The following PALM2AKAP2 variants were observed in gnomAD, a reference collection of about 807,000 sequenced individuals.
PALM2AKAP2 encodes PALM2 and AKAP2 fusion.
In PALM2AKAP2, 37 loss-of-function variants were observed where a neutral mutation model predicts 71.5. The observed-to-expected ratio is 0.52, with a 90% confidence interval of 0.40 to 0.68. The LOEUF is 0.68. Ranked by LOEUF, PALM2AKAP2 falls within the 30% of genes least tolerant of loss-of-function variation. The probability of loss-of-function intolerance (pLI) is 0.00; values close to 1 mark genes in which losing one functional copy is unlikely to be tolerated. For synonymous variants in PALM2AKAP2, 468 were observed against 478.8 expected (o/e 0.98, Z 0.29); for missense variants, 1,224 against 1,191.8 (o/e 1.03, Z -0.40).
At chr9:109,652,212 C>A (rs1827235436) in intron 1 of PALM2AKAP2, among the ~76,000 whole-genome samples, 1 of 152,090 alleles carries the variant, frequency 6.6e-6, no homozygotes, top group Admixed American at 6.5e-5. Flanking sequence ...GATATTTGTC[C>A]TCCCACCCAG....
At chr9:109,898,318 G>A (rs1199291028) in intron 3 of PALM2AKAP2, among the ~76,000 whole-genome samples, 2 of 152,182 alleles carry the variant, frequency 1.3e-5, no homozygotes, top group East Asian at 3.8e-4. Flanking sequence ...ACAAACATGT[G>A]CTTACACACT....
At chr9:109,863,038 C>A in intron 1 of PALM2AKAP2, 1 of 454,918 alleles carries the variant, frequency 2.2e-6, no homozygotes. Context: ...GGGAGACATC[C>A]TTGGTTTTAG....
intron 1 of PALM2AKAP2, among the ~76,000 whole-genome samples, chr9:110,059,363 T>C (rs909735012): frequency 3.3e-5 from 5 of 152,158 alleles, no homozygotes; most frequent in Admixed American, 6.5e-5. Flanking sequence ...ACAGAGTTGG[T>C]GTTTTTGTTG....
intron 7 of PALM2AKAP2, among the ~76,000 whole-genome samples, chr9:110,022,349 G>T (rs1156390980): frequency 6.6e-6 from 1 of 152,096 alleles, no homozygotes; most frequent in East Asian, 1.9e-4. Flanking sequence ...TAAATGAAAA[G>T]ATCAAGCTGA....
chr9:109,677,471 C>G (rs1827664164), intron 1 of PALM2AKAP2, among the ~76,000 whole-genome samples: 1 of 152,066 alleles, frequency 6.6e-6, no homozygotes. Flanking sequence ...AGTTGAAGAC[C>G]AGCCTGGCCA....
intron 1 of PALM2AKAP2, among the ~76,000 whole-genome samples, chr9:109,683,483 G>A (rs576644180): frequency 1.4e-4 from 22 of 152,294 alleles, no homozygotes; most frequent in East Asian, 1.4e-3. Context: ...AGGGAGAGAA[G>A]GCAGGAATAG....
intron 1 of PALM2AKAP2, chr9:109,640,982 G>C (rs1827057763): frequency 1.5e-6 from 2 of 1,367,188 alleles, no homozygotes; most frequent in Non-Finnish European, 1.9e-6. Flanking sequence ...TTTAATTTCA[G>C]CCCCGTGTGT....
chr9:109,935,393 C>T (rs1831197183), intron 6 of PALM2AKAP2, among the ~76,000 whole-genome samples: 1 of 152,226 alleles, frequency 6.6e-6, no homozygotes, highest in African/African-American at 2.4e-5. Context: ...AAATTGACAT[C>T]TTTGGGGTAT....
At chr9:110,014,488 G>A (rs1179399543) in intron 6 of PALM2AKAP2, among the ~76,000 whole-genome samples, 3 of 151,860 alleles carry the variant, frequency 2.0e-5, no homozygotes, top group African/African-American at 4.8e-5. Flanking sequence ...ATATACACTT[G>A]CCAGTTGGGC....
chr9:109,803,808 G>A (rs538547766), intron 1 of PALM2AKAP2, among the ~76,000 whole-genome samples: 1 of 152,324 alleles, frequency 6.6e-6, no homozygotes, highest in South Asian at 2.1e-4. Flanking sequence ...AATTCCTAGT[G>A]TCTTCCTTTG....
chr9:109,958,826 T>C (rs1831796593), intron 6 of PALM2AKAP2, among the ~76,000 whole-genome samples: 1 of 152,126 alleles, frequency 6.6e-6, no homozygotes, highest in Non-Finnish European at 1.5e-5. Context: ...CCCTGTGAAG[T>C]TACTAGTAAG....
chr9:109,959,440 C>T (rs958183099), intron 6 of PALM2AKAP2, among the ~76,000 whole-genome samples: 5 of 151,842 alleles, frequency 3.3e-5, no homozygotes, highest in African/African-American at 1.2e-4. Flanking sequence ...CTCAGGAGAT[C>T]GAGACCATCC....
At chr9:109,721,384 G>T (rs140793402) in intron 1 of PALM2AKAP2, among the ~76,000 whole-genome samples, 1 of 152,160 alleles carries the variant, frequency 6.6e-6, no homozygotes, top group African/African-American at 2.4e-5. Flanking sequence ...TGCAGAGATC[G>T]CTTTCTATTG....
chr9:110,140,389 T>C (rs1835997457), intron 2 of PALM2AKAP2, among the ~76,000 whole-genome samples: 1 of 152,160 alleles, frequency 6.6e-6, no homozygotes, highest in Admixed American at 6.5e-5. Context: ...AAATCGGTCG[T>C]CTCTCTGAAG....
At chr9:110,112,098 G>A (rs992013048) in intron 1 of PALM2AKAP2, among the ~76,000 whole-genome samples, 3 of 152,038 alleles carry the variant, frequency 2.0e-5, no homozygotes, top group African/African-American at 7.2e-5. Context: ...CAACCACTCA[G>A]CTGAAGAGAA....
At chr9:110,067,322 G>T (rs1376810299) in intron 1 of PALM2AKAP2, among the ~76,000 whole-genome samples, 1 of 152,164 alleles carries the variant, frequency 6.6e-6, no homozygotes, top group African/African-American at 2.4e-5. Context: ...TACAAATAAA[G>T]TGAAATTGAA....
chr9:109,719,595 C>T (rs1323332099), intron 1 of PALM2AKAP2, among the ~76,000 whole-genome samples: 11 of 152,172 alleles, frequency 7.2e-5, no homozygotes, highest in Admixed American at 6.5e-4. Context: ...TATGAATATT[C>T]ACTATTGTGA....
chr9:109,758,876 T>C (rs936772788), intron 1 of PALM2AKAP2, among the ~76,000 whole-genome samples: 1 of 152,132 alleles, frequency 6.6e-6, no homozygotes, highest in Non-Finnish European at 1.5e-5. Flanking sequence ...CTCATGATAG[T>C]TGTACCTATT....
chr9:109,829,015 TC>T (rs1427365989), intron 1 of PALM2AKAP2, among the ~76,000 whole-genome samples: 3 of 152,382 alleles, frequency 2.0e-5, no homozygotes, highest in Admixed American at 2.0e-4. Context: ...GAAATATGAT[TC>T]ATGTTATAGT....
Sources: allele counts gnomAD v4.1 joint callset (sites outside exome capture counted in the v4.1 genomes callset), GRCh38; gene constraint gnomAD v4.1.1; transcripts MANE v1.5; gene names NCBI Gene and HGNC (gene_info 2026-07-23, HGNC 2026-07-21).